The following ZNF513 variants were observed in gnomAD, a reference collection of about 807,000 sequenced individuals.
ZNF513 encodes zinc finger protein 513.
A neutral mutation model predicts 39.7 loss-of-function variants in ZNF513; 16 were observed. The ratio of observed to expected loss-of-function variants is 0.40; its 90% CI spans 0.27 to 0.61. The LOEUF (loss-of-function observed/expected upper bound fraction) is 0.61. Ranked by LOEUF, ZNF513 falls within the 20% of genes least tolerant of loss-of-function variation. ZNF513 has a pLI of 0.39. For missense variants in ZNF513, 699 were observed against 743.6 expected (o/e 0.94, Z 0.70); for synonymous variants, 348 against 296.5 (o/e 1.17, Z -1.79).
In ZNF513 at chr2:27,380,550, G is replaced by C. The variant is rs780603445; in HGVS notation, c.-24C>G. 2.1e-5 allele frequency: 33 copies of C among 1,550,560 alleles called. No homozygotes were observed. Among genetic ancestry groups the C allele is most frequent in the Non-Finnish European group, 2.8e-5 (32 of 1,140,452 alleles). On this transcript the variant is annotated 5_prime_UTR_variant, in exon 1 of 4. Transcript: ENST00000323703. ...ATCGTGACCGGCTCCAGCCCGACGC[G>C]CCTCCGGCCTGCGGCCGCCCGACCC...
chr2:27,379,999 T>C, intron 2 of ZNF513, 94 bp downstream of exon 2: 1 of 1,521,802 alleles, frequency 6.6e-7, no homozygotes, highest in Non-Finnish European at 9.1e-7. Context: ...CCCTCGGTTG[T>C]GGCAGGAAAT....
Position 27,377,744 on chromosome 2 carries a change from G to C in ZNF513, c.1427C>G (p.Thr476Ser), listed in dbSNP as rs1176281804. The change falls in exon 4 of 4, where the codon ACC becomes AGC. Residue 476 changes from threonine to serine, a missense_variant. Around this residue, in one of 3 missense-constraint regions of ZNF513, gnomAD observed 98 missense variants for 180.2 expected, o/e 0.54. Coordinates refer to ENST00000323703, the MANE Select transcript of ZNF513 (RefSeq NM_144631.6). This position sits in a 1 kb window ranked among gnomAD's most constrained non-coding sequence, Gnocchi z 4.4. ...CCAGTGGCCCGTGGTATAGGCGCAG[G>C]TGGCACAGCGGAAGGGCTTCTCGCC... is the stretch of plus-strand genomic sequence containing the variant. ...HTGEKPFRCA[T>S]CAYTTGHWDN... 1 of 1,614,264 alleles carries C rather than the reference G, an allele frequency of 6.2e-7. No individual in the cohort carries two copies. Among genetic ancestry groups the C allele is most frequent in the Non-Finnish European group, 8.5e-7 (1 of 1,180,040 alleles).
At chr2:27,379,085 G>T in intron 2 of ZNF513, 31 bp from the exon 3 acceptor site, 1 of 1,602,524 alleles carries the variant, frequency 6.2e-7, no homozygotes, top group Non-Finnish European at 8.5e-7. Context: ...AGAGACATCA[G>T]CATAGGGTAG....
chr2:27,380,187 T>C lies in ZNF513; in HGVS notation c.117A>G (p.Leu39=). 1 of 1,613,996 alleles carries C rather than the reference T, an allele frequency of 6.2e-7. No homozygotes were observed. The highest frequency in any genetic ancestry group is 8.5e-7 in the Non-Finnish European group (1 of 1,179,972). ...PGALVLESDL[L]LGQDLEFEEE... is the part of the protein sequence containing the mutation. ...CCTCAAACTCCAGATCCTGGCCTAG[T>C]AGCAAATCACTCTCCAATACCAGGG... is the stretch of plus-strand genomic sequence containing the variant. Residue 39 remains leucine (L), a synonymous_variant, in exon 2 of 4, where the codon CTA becomes CTG. Coordinates refer to ENST00000323703, the MANE Select transcript of ZNF513 (RefSeq NM_144631.6).
chr2:27,380,734 T>C lies in ZNF513; in HGVS notation c.-208A>G, dbSNP rs1683584958. The C allele has an allele frequency of 7.0e-6, 6 of 859,896 alleles. No homozygotes were observed. The South Asian group carries it at 1.7e-4, about 25-fold the overall frequency. The allele number at this position is 859,896 out of a possible 1,614,324, so 53.3% of individuals were successfully genotyped here. The stretch of plus-strand genomic sequence containing the variant: ...CGCCGCTTCCATTCATGGAGCCCCC[T>C]ACCCCCCTACGGAGACCAGCTGGTA... On this transcript the variant is annotated 5_prime_UTR_variant, in exon 1 of 4. Transcript: ENST00000323703.
intron 1 of ZNF513, 82 bp from the exon 2 acceptor site, chr2:27,380,330 C>CT: frequency 6.2e-7 from 1 of 1,611,470 alleles, no homozygotes; most frequent in Non-Finnish European, 8.5e-7. Flanking sequence ...CTGACCCACT[C>CT]TGATTCCCTT....
At position 27,380,713 on chromosome 2, in the gene ZNF513, G is replaced by T; in HGVS notation, c.-187C>A. On this transcript the variant is annotated 5_prime_UTR_variant, in exon 1 of 4. Transcript: ENST00000323703. Reference sequence around the variant, plus strand: ...TCAGGCCGCTCCCGCCGCCGCCGCCGCTTCCATTCATGGAGCCCCCTACCC... The same window carrying T: ...TCAGGCCGCTCCCGCCGCCGCCGCCTCTTCCATTCATGGAGCCCCCTACCC... The T allele has an allele frequency of 9.5e-7, 1 of 1,057,076 alleles. No homozygotes were observed. The highest frequency in any genetic ancestry group is 1.2e-6 in the Non-Finnish European group (1 of 828,938). 65.5% of individuals were successfully genotyped at this position (1,057,076 alleles called of 1,614,324 possible).
chr2:27,379,229 A>G (rs1243411883), intron 2 of ZNF513, among the ~76,000 whole-genome samples, 175 bp from the exon 3 acceptor site: 3 of 152,166 alleles, frequency 2.0e-5, no homozygotes, highest in Non-Finnish European at 4.4e-5. Flanking sequence ...AAAATTCAAC[A>G]TGAATTGTCT....
At position 27,378,712 on chromosome 2, in the gene ZNF513, T is replaced by G; in HGVS notation, c.554A>C (p.Tyr185Ser). 3.1e-6 allele frequency: 5 copies of G among 1,613,894 alleles called. No individual in the cohort carries two copies. Among genetic ancestry groups the G allele is most frequent in the Non-Finnish European group, 4.2e-6 (5 of 1,179,954 alleles). Residue 185 changes from tyrosine to serine, a missense_variant, in exon 3 of 4, where the codon TAC (tyrosine) becomes TCC (serine). Physicochemically the swap from Tyr to Ser is moderately radical, Grantham distance 144 (BLOSUM62 -2). Around this residue, in one of 3 missense-constraint regions of ZNF513, gnomAD observed 530 missense variants for 499.3 expected, o/e 1.06. Transcript: ENST00000323703. This position sits in a 1 kb window ranked among gnomAD's most constrained non-coding sequence, Gnocchi z 8.0. ...CAGGTTGACGAGCTGGGCTGAGGCGTAGGGGCAGCGGCCACAGCGGAACGG... is the reference window on the plus strand; with the variant it reads ...CAGGTTGACGAGCTGGGCTGAGGCGGAGGGGCAGCGGCCACAGCGGAACGG... ...EKPFRCGRCP[Y>S]ASAQLVNLTR...
rs953782254 is a variant in ZNF513, at chr2:27,377,398, C to T, written c.*147G>A. On this transcript the variant is annotated 3_prime_UTR_variant, in exon 4 of 4. Transcript: ENST00000323703. This position sits in a 1 kb window ranked among gnomAD's most constrained non-coding sequence, Gnocchi z 4.4. ...TGAAGTGCCTCAGTCAAGGCAAGGT[C>T]CCCTGGTCCATATGGGCCCCCCCGC... is the stretch of plus-strand genomic sequence containing the variant. The T allele has an allele frequency of 1.2e-6, 1 of 856,814 alleles. No homozygotes were observed. The highest frequency in any genetic ancestry group is 1.7e-5 in the African/African-American group (1 of 60,204). The allele number at this position is 856,814 out of a possible 1,614,324, so 53.1% of individuals were successfully genotyped here.
At position 27,378,801 on chromosome 2, in the gene ZNF513, G is replaced by A; in HGVS notation, c.465C>T (p.Cys155=). The change falls in exon 3 of 4, where the codon TGC becomes TGT. Residue 155 remains cysteine (C), a synonymous_variant. Transcript: ENST00000323703. This position sits in a 1 kb window ranked among gnomAD's most constrained non-coding sequence, Gnocchi z 8.0. ...GGCTCGAGTAGTGGGACACGAAGGT[G>A]CAGAGGCGGCATGAGTACAGTAGCC... ...PPRLLYSCRL[C]TFVSHYSSHL... 2.5e-6 allele frequency: 4 copies of A among 1,613,718 alleles called. No homozygotes were observed. The highest frequency in any genetic ancestry group is 1.1e-5 in the South Asian group (1 of 91,070).
chr2:27,379,100 A>C, intron 2 of ZNF513, 46 bp from the exon 3 acceptor site: 1 of 1,586,526 alleles, frequency 6.3e-7, no homozygotes, highest in East Asian at 2.2e-5. Flanking sequence ...GGGTAGGATC[A>C]GGCTCCAAAC....
Position 27,377,254 on chromosome 2 carries a change from T to G in ZNF513, c.*291A>C. On this transcript the variant is annotated 3_prime_UTR_variant, in exon 4 of 4. Transcript: ENST00000323703. This position sits in a 1 kb window ranked among gnomAD's most constrained non-coding sequence, Gnocchi z 4.4. ...CATGGCTTTGTTAGTGTTTCCTTTA[T>G]TATAAAGCACTGAAATAAGTTAAAT... is the stretch of plus-strand genomic sequence containing the variant. 3.5e-6 allele frequency: 2 copies of G among 570,592 alleles called. No homozygotes were observed. Among genetic ancestry groups the G allele is most frequent in the Non-Finnish European group, 6.3e-6 (2 of 317,380 alleles). The allele number at this position is 570,592 out of a possible 1,614,324, so 35.3% of individuals were successfully genotyped here. A position where few individuals can be genotyped will look rare whatever the true frequency, so the allele number is the denominator to read the frequency against.
Position 27,378,774 on chromosome 2 carries a change from G to A in ZNF513, c.492C>T (p.His164=). Residue 164 remains histidine (H), a synonymous_variant, in exon 3 of 4, where the codon CAC becomes CAT. Transcript: ENST00000323703. This position sits in a 1 kb window ranked among gnomAD's most constrained non-coding sequence, Gnocchi z 8.0. ...LCTFVSHYSS[H]LKRHMQTHSG... is the part of the protein sequence containing the mutation. ...TGTGTGTCTGCATGTGCCGCTTCAG[G>A]TGGCTCGAGTAGTGGGACACGAAGG... 2 of 1,614,024 alleles carry A rather than the reference G, an allele frequency of 1.2e-6. No homozygotes were observed. The highest frequency in any genetic ancestry group is 2.7e-5 in the African/African-American group (2 of 75,046).
chr2:27,378,732 G>C lies in ZNF513; in HGVS notation c.534C>G (p.Phe178Leu), dbSNP rs1358473481. 1 of 1,614,024 alleles carries C rather than the reference G, an allele frequency of 6.2e-7. No homozygotes were observed. The highest frequency in any genetic ancestry group is 8.5e-7 in the Non-Finnish European group (1 of 1,179,970). The part of the protein sequence containing the change: ...HMQTHSGEKP[F>L]RCGRCPYASA... Reference sequence around the variant, plus strand: ...AGGCGTAGGGGCAGCGGCCACAGCGGAACGGCTTCTCTCCGCTGTGTGTCT... The same window carrying C: ...AGGCGTAGGGGCAGCGGCCACAGCGCAACGGCTTCTCTCCGCTGTGTGTCT... Residue 178 changes from phenylalanine (F) to leucine (L), a missense_variant, in exon 3 of 4, where the codon TTC (phenylalanine) becomes TTG (leucine). Phe to Leu is a conservative substitution (Grantham distance 22). Coordinates refer to ENST00000323703, the MANE Select transcript of ZNF513 (RefSeq NM_144631.6). This position sits in a 1 kb window ranked among gnomAD's most constrained non-coding sequence, Gnocchi z 8.0.
rs992135142 is a variant in ZNF513 at position 27,378,434 on chromosome 2, G to A, written c.799+33C>T. 3.1e-6 allele frequency: 5 copies of A among 1,613,554 alleles called. No homozygotes were observed. Among genetic ancestry groups the A allele is most frequent in the Non-Finnish European group, 4.2e-6 (5 of 1,179,986 alleles). ...AGCATTCCTAGGGTCAGCCACCCAT[G>A]TCCCAAGATCTTTGGTCCCTGGTGT... On this transcript the variant is annotated intron_variant, in intron 3 of 3. Transcript: ENST00000323703. The surrounding 1 kb of genome is among the most constrained non-coding windows in gnomAD (Gnocchi z 8.0).
In ZNF513 at chr2:27,377,856, A is replaced by G. The variant is rs756990169; in HGVS notation, c.1315T>C (p.Ser439Pro). 1 of 1,614,084 alleles carries G rather than the reference A, an allele frequency of 6.2e-7. No homozygotes were observed. ...CTACACCGAAAAGGTTTGTCACCAG[A>G]GTGGATGCGACCATGACGCTTGAGG... ...ANLKRHGRIH[S>P]GDKPFRCSLC... The change falls in exon 4 of 4, where the codon TCT becomes CCT. Residue 439 changes from serine (S) to proline (P), a missense_variant. Ser to Pro is a moderately conservative substitution (Grantham distance 74, BLOSUM62 -1). This residue lies in a region of ZNF513 where 98 missense variants were observed against 180.2 expected (regional missense o/e 0.54). Coordinates refer to ENST00000323703, the MANE Select transcript of ZNF513 (RefSeq NM_144631.6). The surrounding 1 kb of genome is among the most constrained non-coding windows in gnomAD (Gnocchi z 4.4).
intron 1 of ZNF513, 101 bp from the exon 2 acceptor site, chr2:27,380,349 G>A: frequency 6.2e-7 from 1 of 1,605,414 alleles, no homozygotes; most frequent in African/African-American, 1.3e-5. Context: ...TTAGTGCCTC[G>A]GTGGGAAGCT....
At chr2:27,380,343 T>C in intron 1 of ZNF513, 95 bp from the exon 2 acceptor site, 1 of 1,608,224 alleles carries the variant, frequency 6.2e-7, no homozygotes, top group Non-Finnish European at 8.5e-7. Flanking sequence ...ATTCCCTTAG[T>C]GCCTCGGTGG....
Sources: gnomAD v4.1 joint callset for allele counts (sites outside exome capture counted in the v4.1 genomes callset) on GRCh38, gnomAD v4.1.1 for gene constraint, gnomAD v4.1.1 regional missense constraint, Gnocchi (gnomAD v3.1) non-coding constraint, MANE v1.5 for transcripts, NCBI Gene and HGNC (gene_info 2026-07-23, HGNC 2026-07-21) for gene names.